Variants in ENTREP2 observed in about 807,000 individuals in gnomAD.
The protein encoded by ENTREP2 is protein ENTREP2.
the ENTREP2 span, chr15:29,268,364 A>T: frequency 9.3e-5 from 15 of 161,862 alleles, no homozygotes; most frequent in African/African-American, 3.6e-4. Flanking sequence ...CATAATAAGG[A>T]TATAGGCAAT....
chr15:29,224,415 G>A, the ENTREP2 span, among the ~76,000 whole-genome samples: 48 of 152,232 alleles, frequency 3.2e-4, no homozygotes, highest in African/African-American at 9.6e-4. Context: ...CTGCTGGCTC[G>A]GGCAGCCCGC....
chr15:29,360,338 T>TTC, the ENTREP2 span, among the ~76,000 whole-genome samples: 3 of 152,174 alleles, frequency 2.0e-5, no homozygotes, highest in Admixed American at 2.0e-4. Flanking sequence ...AATGACTTTT[T>TTC]TCTATTAGGA....
chr15:29,356,160 C>T, the ENTREP2 span, among the ~76,000 whole-genome samples: 1 of 147,392 alleles, frequency 6.8e-6, no homozygotes, highest in African/African-American at 2.6e-5. Context: ...AGATTTTTAT[C>T]TTTGGTTTTG....
the ENTREP2 span, among the ~76,000 whole-genome samples, chr15:29,255,881 G>A: frequency 1.3e-5 from 2 of 151,728 alleles, no homozygotes; most frequent in Admixed American, 1.3e-4. Flanking sequence ...GGCGCCTGTA[G>A]TACCAGCTAC....
the ENTREP2 span, among the ~76,000 whole-genome samples, chr15:29,141,959 A>T: frequency 6.6e-6 from 1 of 152,190 alleles, no homozygotes; most frequent in African/African-American, 2.4e-5. Context: ...TATGACTGTA[A>T]TTGCATAAGG....
At chr15:29,332,605 T>C in the ENTREP2 span, among the ~76,000 whole-genome samples, 1 of 152,112 alleles carries the variant, frequency 6.6e-6, no homozygotes, top group Non-Finnish European at 1.5e-5. Context: ...CAGACAATAG[T>C]GCCCAATGCA....
chr15:29,639,349 T>C, the ENTREP2 span, among the ~76,000 whole-genome samples: 2 of 152,210 alleles, frequency 1.3e-5, no homozygotes, highest in African/African-American at 4.8e-5. Flanking sequence ...TGTCGGTTTG[T>C]CTCTCTGTTT....
chr15:29,470,272 C>T, the ENTREP2 span, among the ~76,000 whole-genome samples: 3 of 152,168 alleles, frequency 2.0e-5, no homozygotes, highest in Non-Finnish European at 2.9e-5. Flanking sequence ...GTTGAGCATC[C>T]GGAGGGTCCT....
chr15:29,196,985 A>T, the ENTREP2 span, among the ~76,000 whole-genome samples: 3 of 152,084 alleles, frequency 2.0e-5, no homozygotes, highest in Non-Finnish European at 2.9e-5. Context: ...CTGCTCATCC[A>T]TCAAGACCCA....
At chr15:29,589,950 C>A in the ENTREP2 span, among the ~76,000 whole-genome samples, 25 of 152,204 alleles carry the variant, frequency 1.6e-4, no homozygotes, top group African/African-American at 5.8e-4. Flanking sequence ...AATGCACTCT[C>A]ACCATTCAGA....
the ENTREP2 span, among the ~76,000 whole-genome samples, chr15:29,518,115 T>C: frequency 2.0e-5 from 3 of 151,958 alleles, no homozygotes; most frequent in African/African-American, 4.8e-5. Context: ...ACAGAGGAAA[T>C]GGGTAACTTG....
chr15:29,308,610 G>A, the ENTREP2 span, among the ~76,000 whole-genome samples: 8 of 152,144 alleles, frequency 5.3e-5, no homozygotes, highest in African/African-American at 1.9e-4. Context: ...AGGGATAGGA[G>A]CTCCCTTGCA....
the ENTREP2 span, chr15:29,268,652 G>A: frequency 1.2e-4 from 88 of 715,228 alleles, no homozygotes; most frequent in African/African-American, 1.1e-3. Flanking sequence ...ACAAAACTTT[G>A]CAAACACATC....
the ENTREP2 span, among the ~76,000 whole-genome samples, chr15:29,421,630 A>G: frequency 6.6e-6 from 1 of 152,242 alleles, no homozygotes; most frequent in African/African-American, 2.4e-5. Context: ...ATAGACATGA[A>G]TATTTTTCCT....
chr15:29,424,977 C>T, the ENTREP2 span, among the ~76,000 whole-genome samples: 3 of 152,106 alleles, frequency 2.0e-5, no homozygotes, highest in South Asian at 2.1e-4. Context: ...GACAGATCTG[C>T]AAACACCATA....
At chr15:29,417,801 G>C in the ENTREP2 span, among the ~76,000 whole-genome samples, 1 of 151,990 alleles carries the variant, frequency 6.6e-6, no homozygotes, top group Non-Finnish European at 1.5e-5. Flanking sequence ...AACAGATCTG[G>C]TCTGAAAAGT....
chr15:29,665,319 C>G, the ENTREP2 span, among the ~76,000 whole-genome samples: 11 of 152,362 alleles, frequency 7.2e-5, no homozygotes, highest in East Asian at 1.9e-4. Flanking sequence ...TACAGAGCAG[C>G]TGCTGGGTAC....
the ENTREP2 span, among the ~76,000 whole-genome samples, chr15:29,415,118 C>T: frequency 2.9e-4 from 44 of 151,532 alleles, no homozygotes; most frequent in Non-Finnish European, 4.1e-4. Context: ...TTCCAATCAA[C>T]AGAAAAACAG....
the ENTREP2 span, among the ~76,000 whole-genome samples, chr15:29,162,832 C>T: frequency 2.6e-5 from 4 of 152,238 alleles, no homozygotes; most frequent in South Asian, 8.3e-4. Flanking sequence ...AAAGCGCCAC[C>T]TCACAGCAGG....
Sources: allele counts gnomAD v4.1 joint callset (sites outside exome capture counted in the v4.1 genomes callset), GRCh38; gene constraint gnomAD v4.1.1; transcripts MANE v1.5; gene names NCBI Gene and HGNC (gene_info 2026-07-23, HGNC 2026-07-21).